The following SLCO1A2 variants were observed in gnomAD, a reference collection of about 807,000 sequenced individuals.
SLCO1A2 encodes solute carrier organic anion transporter family member 1A2, also known as OATP-1.
In SLCO1A2, 67 loss-of-function variants were observed where a neutral mutation model predicts 69.0. That is an observed-to-expected ratio of 0.97 (90% CI 0.80 to 1.19). SLCO1A2 has a LOEUF of 1.19. SLCO1A2 is among the 50% of genes most tolerant of loss of function. The pLI is 0.00. For missense variants in SLCO1A2, 787 were observed against 793.7 expected (o/e 0.99, Z 0.10); for synonymous variants, 260 against 265.9 (o/e 0.98, Z 0.22).
chr12:21,405,745 T>C (rs576946891), intron 1 of SLCO1A2, among the ~76,000 whole-genome samples: 1 of 152,316 alleles, frequency 6.6e-6, no homozygotes, highest in African/African-American at 2.4e-5. Context: ...TTACACCTTA[T>C]ACAAAAATTA....
intron 1 of SLCO1A2, among the ~76,000 whole-genome samples, chr12:21,415,347 AT>A: frequency 6.6e-6 from 1 of 152,200 alleles, no homozygotes; most frequent in African/African-American, 2.4e-5. Flanking sequence ...GCAGTTAGCA[AT>A]TTTTAAAGCA....
upstream of SLCO1A2, among the ~76,000 whole-genome samples, chr12:21,338,232 C>G (rs1246881318): frequency 6.6e-6 from 1 of 151,920 alleles, no homozygotes; most frequent in Admixed American, 6.6e-5. Flanking sequence ...TCTGACTCCT[C>G]TATGTGCTCT....
At chr12:21,348,981 T>G (rs1937716946) in intron 2 of SLCO1A2, among the ~76,000 whole-genome samples, 1 of 151,974 alleles carries the variant, frequency 6.6e-6, no homozygotes, top group Non-Finnish European at 1.5e-5. Context: ...TCTGGTAGAG[T>G]ATGTTAATGG....
chr12:21,366,509 C>T (rs1294808673), intron 2 of SLCO1A2, among the ~76,000 whole-genome samples: 2 of 151,924 alleles, frequency 1.3e-5, no homozygotes, highest in East Asian at 3.9e-4. Context: ...CAAACCTGCA[C>T]ATTGTGCACA....
At position 21,269,252 on chromosome 12, in the gene SLCO1A2, T is replaced by C. The variant is rs1435257075; in HGVS notation, c.*296A>G. 2 of 206,800 alleles carry C rather than the reference T, an allele frequency of 9.7e-6. No homozygotes were observed. Among genetic ancestry groups the C allele is most frequent in the Non-Finnish European group, 1.9e-5 (2 of 104,434 alleles). The allele number at this position is 206,800 out of a possible 1,614,324, so 12.8% of individuals were successfully genotyped here. On this transcript the variant is annotated 3_prime_UTR_variant, in exon 15 of 15. Coordinates refer to ENST00000683939, the MANE Select transcript of SLCO1A2 (RefSeq NM_001386879.1). ...TTAGAAGTATTAGTAGAAGGAGATGTAGGAAGTACACCCTTACTTCGATGA... is the reference window on the plus strand; with the variant it reads ...TTAGAAGTATTAGTAGAAGGAGATGCAGGAAGTACACCCTTACTTCGATGA...
intron 1 of SLCO1A2, among the ~76,000 whole-genome samples, chr12:21,416,712 G>A (rs146551122): frequency 1.3e-4 from 19 of 151,840 alleles, no homozygotes; most frequent in African/African-American, 4.6e-4. Flanking sequence ...CAGGAGTTTT[G>A]AACAAAGGGC....
At chr12:21,317,281 C>T (rs1951000931) in intron 3 of SLCO1A2, among the ~76,000 whole-genome samples, 1 of 152,188 alleles carries the variant, frequency 6.6e-6, no homozygotes, top group South Asian at 2.1e-4. Context: ...TTTCTGCAGG[C>T]TCACATTCCT....
upstream of SLCO1A2, among the ~76,000 whole-genome samples, chr12:21,397,446 C>G (rs1013898209): frequency 2.0e-5 from 3 of 151,680 alleles, no homozygotes; most frequent in African/African-American, 7.3e-5. Context: ...ACCCCACTGT[C>G]AACATTAGAC....
At chr12:21,275,299 AT>A in intron 13 of SLCO1A2, 60 bp downstream of exon 13, 2 of 1,388,698 alleles carry the variant, frequency 1.4e-6, no homozygotes, top group Non-Finnish European at 9.7e-7. Flanking sequence ...TTAAAGTGTA[AT>A]AAAAAATAAT....
rs763490940 is a variant in SLCO1A2 at position 21,293,998 on chromosome 12, G to A, written c.1384C>T (p.Leu462=). ...PVCGNNGLSY[L]SACLAGCETS... ...TCACAACCAGCAAGACAAGCTGACAGATATGACAAGCCATTGTTTCCACAC... is the reference window on the plus strand; with the variant it reads ...TCACAACCAGCAAGACAAGCTGACAAATATGACAAGCCATTGTTTCCACAC... Residue 462 remains leucine, a synonymous_variant, in exon 11 of 15, where the codon CTG becomes TTG. Transcript: ENST00000683939. The A allele has an allele frequency of 6.2e-7, 1 of 1,613,070 alleles. No homozygotes were observed. The highest frequency in any genetic ancestry group is 8.5e-7 in the Non-Finnish European group (1 of 1,179,508).
chr12:21,382,939 G>T (rs975425653), intron 1 of SLCO1A2, among the ~76,000 whole-genome samples: 1 of 152,024 alleles, frequency 6.6e-6, no homozygotes. Context: ...TCTACATCAT[G>T]TCCAAATAAA....
chr12:21,325,431 C>T lies in SLCO1A2; in HGVS notation c.61-6508G>A, dbSNP rs184565186. On this transcript the variant is annotated intron_variant, in intron 2 of 14. Transcript: ENST00000683939. ...GAACTTTTCTTTTCTACCCCCAGACCATTTTACTTTTTCTGGTGAAAAATG... is the reference window on the plus strand; with the variant it reads ...GAACTTTTCTTTTCTACCCCCAGACTATTTTACTTTTTCTGGTGAAAAATG... Among the ~76,000 whole-genome samples the T allele has an allele frequency of 4.4e-3, 667 of 152,248 alleles. 4 individuals are homozygous for T. Among genetic ancestry groups the T allele is most frequent in the South Asian group, 0.013 (62 of 4,824 alleles).
chr12:21,292,991 T>C (rs984666142), intron 11 of SLCO1A2, among the ~76,000 whole-genome samples: 1 of 152,184 alleles, frequency 6.6e-6, no homozygotes, highest in African/African-American at 2.4e-5. Flanking sequence ...TGCTTACAAA[T>C]AAAGCTTTGC....
At chr12:21,393,252 AAGT>A (rs1407784893) in intron 1 of SLCO1A2, among the ~76,000 whole-genome samples, 2 of 152,186 alleles carry the variant, frequency 1.3e-5, no homozygotes, top group Non-Finnish European at 2.9e-5. Context: ...ATCTAGCAAT[AAGT>A]AGAACACAGC....
Position 21,267,944 on chromosome 12 carries a change from CTT to C in SLCO1A2, c.*1602_*1603del, listed in dbSNP as rs1355772375. On this transcript the variant is annotated 3_prime_UTR_variant, in exon 15 of 15. Transcript: ENST00000683939. ...TTTCCAATGATTTTAGTTCCTCTCT[CTT>C]GTTTCAAAGCCAGTCTTGGTTTGAA... The C allele has an allele frequency of 1.3e-5, 2 of 152,080 alleles. No homozygotes were observed. The highest frequency in any genetic ancestry group is 2.4e-5 in the African/African-American group (1 of 41,428). The allele number at this position is 152,080 out of a possible 1,614,324, so 9.4% of individuals were successfully genotyped here. A position where few individuals can be genotyped will look rare whatever the true frequency, so the allele number is the denominator to read the frequency against.
At chr12:21,353,929 G>A (rs1444265590) in intron 2 of SLCO1A2, among the ~76,000 whole-genome samples, 4 of 152,162 alleles carry the variant, frequency 2.6e-5, no homozygotes, top group Non-Finnish European at 5.9e-5. Context: ...TCCCAGCAGT[G>A]TGGCAGCTTT....
intron 1 of SLCO1A2, among the ~76,000 whole-genome samples, chr12:21,414,656 A>G (rs1054937571): frequency 2.3e-4 from 35 of 152,232 alleles, no homozygotes; most frequent in Middle Eastern, 3.4e-3. Flanking sequence ...GAAAAATGCT[A>G]TACCTGTCTA....
At chr12:21,274,238 C>T (rs1943393171) in intron 14 of SLCO1A2, 3 of 403,678 alleles carry the variant, frequency 7.4e-6, no homozygotes, top group Non-Finnish European at 1.4e-5. Flanking sequence ...ACTTTGAAAG[C>T]CAAGGTTAGG....
intron 11 of SLCO1A2, 88 bp from the exon 12 acceptor site, chr12:21,292,424 G>C (rs1020682690): frequency 5.0e-6 from 5 of 994,924 alleles, no homozygotes; most frequent in Non-Finnish European, 7.4e-6. Context: ...GGATCAAGAT[G>C]GAGACTGCTT....
Sources: allele counts gnomAD v4.1 joint callset (sites outside exome capture counted in the v4.1 genomes callset), GRCh38; gene constraint gnomAD v4.1.1; transcripts MANE v1.5; gene names NCBI Gene and HGNC (gene_info 2026-07-23, HGNC 2026-07-21).